The following CFAP299 variants were observed in gnomAD, a reference collection of about 807,000 sequenced individuals.
CFAP299 encodes cilia and flagella associated protein 299, also known as cilia- and flagella-associated protein 299.
CFAP299 carries 21 observed loss-of-function variants against 27.0 expected under a neutral mutation model. The ratio of observed to expected loss-of-function variants is 0.78; its 90% CI spans 0.55 to 1.12. The LOEUF is 1.12. Ranked by LOEUF, CFAP299 falls within the 50% of genes most tolerant of loss-of-function variation. CFAP299 has a pLI of 0.00. For synonymous variants in CFAP299, 104 were observed against 98.1 expected (o/e 1.06, Z -0.36); for missense variants, 310 against 276.6 (o/e 1.12, Z -0.86).
At chr4:80,389,634 A>G (rs970762200) in intron 2 of CFAP299, among the ~76,000 whole-genome samples, 2 of 152,184 alleles carry the variant, frequency 1.3e-5, no homozygotes, top group African/African-American at 2.4e-5. Context: ...TGACTCTATC[A>G]TTGAGAAAAC....
At chr4:80,336,567 CCCCCG>C (rs57424684) in intron 1 of CFAP299, 93,650 of 151,540 alleles carry the variant, frequency 0.62, 30,197 homozygotes, top group Non-Finnish European at 0.72. Flanking sequence ...TCCCCAGCTA[CCCCCG>C]CTGCAGGGTG....
intron 3 of CFAP299, among the ~76,000 whole-genome samples, chr4:80,639,182 G>T (rs1470446746): frequency 6.6e-6 from 1 of 152,134 alleles, no homozygotes; most frequent in Non-Finnish European, 1.5e-5. Flanking sequence ...CCCAGGTGCT[G>T]CACTAGGCAT....
intron 4 of CFAP299, among the ~76,000 whole-genome samples, chr4:80,942,076 T>A (rs983224811): frequency 6.6e-6 from 1 of 152,150 alleles, no homozygotes; most frequent in Admixed American, 6.6e-5. Context: ...AGAACATGGA[T>A]GGTTTTTGAT....
intron 3 of CFAP299, among the ~76,000 whole-genome samples, chr4:80,793,167 G>T (rs1372124130): frequency 1.3e-5 from 2 of 151,068 alleles, no homozygotes; most frequent in East Asian, 2.0e-4. Context: ...TTATCACAAG[G>T]TCCCACAATA....
intron 2 of CFAP299, among the ~76,000 whole-genome samples, chr4:80,519,565 T>C (rs1732799091): frequency 6.6e-6 from 1 of 152,126 alleles, no homozygotes; most frequent in African/African-American, 2.4e-5. Flanking sequence ...GAAGAATAAT[T>C]AATGTGTTTG....
At chr4:80,821,415 C>T (rs1475392703) in intron 3 of CFAP299, among the ~76,000 whole-genome samples, 2 of 152,120 alleles carry the variant, frequency 1.3e-5, no homozygotes, top group Non-Finnish European at 2.9e-5. Flanking sequence ...CCCCACCTCC[C>T]TCATTTTTGG....
chr4:80,556,868 C>A lies in CFAP299; in HGVS notation c.243-26225C>A, dbSNP rs572848234. Reference sequence around the variant, plus strand: ...CAAGTATATCTGTCTCTTCCCCCTCCATTTTCTCCCTGCAGTTCACCCAAA... The same window carrying A: ...CAAGTATATCTGTCTCTTCCCCCTCAATTTTCTCCCTGCAGTTCACCCAAA... On this transcript the variant is annotated intron_variant, in intron 2 of 5. Transcript: ENST00000358105. Among the ~76,000 whole-genome samples, 97 of 152,096 alleles carry A rather than the reference C, an allele frequency of 6.4e-4. 1 individual carries two copies. The highest frequency in any genetic ancestry group is 3.4e-3 in the Middle Eastern group (1 of 292).
At chr4:80,909,034 G>A (rs1735329843) in intron 4 of CFAP299, among the ~76,000 whole-genome samples, 1 of 152,066 alleles carries the variant, frequency 6.6e-6, no homozygotes. Flanking sequence ...CTCTAGCATA[G>A]GTAAAGCTTC....
intron 3 of CFAP299, among the ~76,000 whole-genome samples, chr4:80,585,903 A>G (rs1736412039): frequency 6.6e-6 from 1 of 152,192 alleles, no homozygotes; most frequent in African/African-American, 2.4e-5. Context: ...AAATCTGGAA[A>G]CCATGTGCTT....
intron 4 of CFAP299, chr4:80,871,396 A>G (rs1733090165): frequency 5.1e-6 from 5 of 985,288 alleles, no homozygotes; most frequent in South Asian, 4.7e-5. Flanking sequence ...CCCACTGGGT[A>G]CTGCTGAAGG....
chr4:80,325,863 G>A, the CFAP299 span, among the ~76,000 whole-genome samples: 5 of 152,140 alleles, frequency 3.3e-5, no homozygotes, highest in African/African-American at 1.2e-4. Context: ...ACCTGAAATT[G>A]AGTCTTTACA....
intron 2 of CFAP299, among the ~76,000 whole-genome samples, chr4:80,542,963 G>A (rs1734074002): frequency 6.6e-6 from 1 of 152,024 alleles, no homozygotes; most frequent in Non-Finnish European, 1.5e-5. Flanking sequence ...CCCTTACAGA[G>A]TGCTGTTGCC....
intron 2 of CFAP299, among the ~76,000 whole-genome samples, chr4:80,556,183 T>C (rs942042353): frequency 6.6e-6 from 1 of 152,090 alleles, no homozygotes; most frequent in African/African-American, 2.4e-5. Context: ...GGAAGTTTTG[T>C]CTCTAATCCA....
At chr4:80,791,777 TG>T (rs1052468710) in intron 3 of CFAP299, among the ~76,000 whole-genome samples, 1 of 151,848 alleles carries the variant, frequency 6.6e-6, no homozygotes, top group Non-Finnish European at 1.5e-5. Flanking sequence ...CAACATAAAA[TG>T]TAGAATCTCA....
intron 2 of CFAP299, among the ~76,000 whole-genome samples, chr4:80,493,414 A>C (rs1731244559): frequency 6.6e-6 from 1 of 152,090 alleles, no homozygotes; most frequent in African/African-American, 2.4e-5. Flanking sequence ...AACAAATTCC[A>C]ATTGGCTAAT....
chr4:80,502,499 G>A (rs534686751), intron 2 of CFAP299, among the ~76,000 whole-genome samples: 2 of 151,998 alleles, frequency 1.3e-5, no homozygotes, highest in East Asian at 3.9e-4. Flanking sequence ...ATAAGAAATG[G>A]TAAGTAAGAG....
At chr4:80,608,518 C>T (rs1737796372) in intron 3 of CFAP299, 1 of 533,460 alleles carries the variant, frequency 1.9e-6, no homozygotes, top group Admixed American at 2.9e-5. Flanking sequence ...ATGACAGTCA[C>T]AAGTAGTGCT....
intron 3 of CFAP299, among the ~76,000 whole-genome samples, chr4:80,751,699 T>C (rs948133094): frequency 2.0e-5 from 3 of 152,202 alleles, no homozygotes; most frequent in Non-Finnish European, 4.4e-5. Flanking sequence ...GCTGTAATAA[T>C]TGAGTCTACT....
At chr4:80,936,725 C>CAA (rs1736907279) in intron 4 of CFAP299, among the ~76,000 whole-genome samples, 1 of 151,934 alleles carries the variant, frequency 6.6e-6, no homozygotes, top group Admixed American at 6.6e-5. Flanking sequence ...ATTTATACAA[C>CAA]AAACACCCAT....
Sources: gnomAD v4.1 joint callset for allele counts (sites outside exome capture counted in the v4.1 genomes callset) on GRCh38, gnomAD v4.1.1 for gene constraint, MANE v1.5 for transcripts, NCBI Gene and HGNC (gene_info 2026-07-23, HGNC 2026-07-21) for gene names.